SGCD: variants seen among roughly 807,000 people sequenced by gnomAD.
The protein encoded by SGCD is delta-sarcoglycan.
In SGCD, 18 loss-of-function variants were observed where a neutral mutation model predicts 36.6. The observed-to-expected ratio is 0.49, with a 90% CI of 0.34 to 0.73. The LOEUF (loss-of-function observed/expected upper bound fraction) is 0.73. Among genes scored for constraint, SGCD ranks in the 30% least tolerant of loss-of-function variants. The pLI is 0.01. For missense variants in SGCD, 387 were observed against 346.7 expected (o/e 1.12, Z -0.92); for synonymous variants, 133 against 130.6 (o/e 1.02, Z -0.12).
At chr5:156,437,504 G>T (rs993450819) in intron 3 of SGCD, among the ~76,000 whole-genome samples, 1 of 152,122 alleles carries the variant, frequency 6.6e-6, no homozygotes, top group Non-Finnish European at 1.5e-5. Flanking sequence ...ATGGCACAAA[G>T]GATGCTAAGG....
the SGCD span, among the ~76,000 whole-genome samples, chr5:155,747,662 CA>C: frequency 2.0e-5 from 3 of 152,188 alleles, no homozygotes; most frequent in African/African-American, 7.2e-5. Context: ...AGTCTTCTTT[CA>C]ACATAAGGTA....
At chr5:155,826,526 C>T in the SGCD span, among the ~76,000 whole-genome samples, 1 of 152,194 alleles carries the variant, frequency 6.6e-6, no homozygotes, top group Non-Finnish European at 1.5e-5. Flanking sequence ...TTTCTGATGT[C>T]AGCCAGACTT....
chr5:156,252,547 T>G (rs1479971381), intron 3 of SGCD, among the ~76,000 whole-genome samples: 1 of 152,214 alleles, frequency 6.6e-6, no homozygotes, highest in Non-Finnish European at 1.5e-5. Flanking sequence ...ATTATATATG[T>G]TGGCAAATGG....
the SGCD span, among the ~76,000 whole-genome samples, chr5:155,826,446 C>G: frequency 1.3e-5 from 2 of 152,140 alleles, no homozygotes; most frequent in South Asian, 4.1e-4. Context: ...GGAGTCTGAC[C>G]CTTCTGTCTA....
At chr5:155,801,169 C>T in the SGCD span, among the ~76,000 whole-genome samples, 1 of 152,210 alleles carries the variant, frequency 6.6e-6, no homozygotes, top group East Asian at 1.9e-4. Flanking sequence ...CTCACTAGGA[C>T]TCAAGTTTGG....
chr5:156,156,164 A>T (rs1400639994), intron 3 of SGCD, among the ~76,000 whole-genome samples: 2 of 151,644 alleles, frequency 1.3e-5, no homozygotes, highest in Non-Finnish European at 2.9e-5. Flanking sequence ...GGTCTTAAAG[A>T]TGTTGTAATG....
chr5:155,991,951 T>C (rs1758440329), intron 1 of SGCD, among the ~76,000 whole-genome samples: 1 of 152,230 alleles, frequency 6.6e-6, no homozygotes, highest in African/African-American at 2.4e-5. Context: ...CTCTTACTTA[T>C]TTTTCTGCCT....
chr5:155,803,001 A>G, the SGCD span, among the ~76,000 whole-genome samples: 1 of 152,224 alleles, frequency 6.6e-6, no homozygotes, highest in Non-Finnish European at 1.5e-5. Flanking sequence ...TCCTAGAAAG[A>G]AGACATGACA....
At chr5:155,938,996 T>C (rs538758504) in intron 1 of SGCD, among the ~76,000 whole-genome samples, 4 of 152,324 alleles carry the variant, frequency 2.6e-5, no homozygotes, top group African/African-American at 7.2e-5. Context: ...AGCCAACCAT[T>C]GTCAACATGC....
At chr5:156,350,261 A>ATATATG (rs1205556287) in intron 3 of SGCD, among the ~76,000 whole-genome samples, 1 of 144,400 alleles carries the variant, frequency 6.9e-6, no homozygotes, top group East Asian at 2.2e-4. Context: ...ATATATATAT[A>ATATATG]TATGTACACA....
At chr5:156,358,343 G>A (rs1201172999) in intron 3 of SGCD, among the ~76,000 whole-genome samples, 1 of 152,192 alleles carries the variant, frequency 6.6e-6, no homozygotes, top group African/African-American at 2.4e-5. Context: ...GGAGACAGCA[G>A]AAATAATTTG....
At chr5:156,276,132 A>G (rs10068407) in intron 3 of SGCD, among the ~76,000 whole-genome samples, 7,879 of 152,144 alleles carry the variant, frequency 0.052, 624 homozygotes, top group African/African-American at 0.17. Flanking sequence ...ACTCCACTCT[A>G]CAGTCTTCTA....
At chr5:156,722,191 T>C (rs1755543027) in intron 7 of SGCD, among the ~76,000 whole-genome samples, 1 of 152,184 alleles carries the variant, frequency 6.6e-6, no homozygotes, top group South Asian at 2.1e-4. Flanking sequence ...TGCCTCCCCC[T>C]TGTCTCTTTT....
chr5:156,327,561 G>A (rs1767867434), intron 1 of SGCD, among the ~76,000 whole-genome samples: 1 of 152,224 alleles, frequency 6.6e-6, no homozygotes, highest in African/African-American at 2.4e-5. Context: ...GCGTGGAAGG[G>A]CCGTTCACTG....
chr5:156,225,667 G>C (rs890816453), intron 3 of SGCD, among the ~76,000 whole-genome samples: 2 of 152,048 alleles, frequency 1.3e-5, no homozygotes, highest in Non-Finnish European at 2.9e-5. Context: ...AGTACGATTT[G>C]ATTATTGTCT....
chr5:156,624,364 G>A (rs1331868361), intron 6 of SGCD, among the ~76,000 whole-genome samples: 2 of 152,120 alleles, frequency 1.3e-5, no homozygotes, highest in Admixed American at 6.6e-5. Flanking sequence ...GGTGGATCAC[G>A]AGGTCAGGAG....
rs139961693 is a variant in SGCD at position 156,464,456 on chromosome 5, G to A, written c.193-44145G>A. On this transcript the variant is annotated intron_variant, in intron 3 of 8. Transcript: ENST00000337851. ...AGGCTGGTCTTGAACTCTGGACCTC[G>A]TGATCCACCTGCTTTGGCCTCCCAA... 5.8e-3 allele frequency among the ~76,000 whole-genome samples: 887 copies of A among 152,138 alleles called. 12 individuals carry two copies. Among genetic ancestry groups the A allele is most frequent in the African/African-American group, 0.019 (778 of 41,526 alleles).
intron 1 of SGCD, among the ~76,000 whole-genome samples, chr5:156,100,400 G>A (rs905643277): frequency 6.6e-6 from 1 of 152,154 alleles, no homozygotes; most frequent in Non-Finnish European, 1.5e-5. Flanking sequence ...GACATGAGAT[G>A]AGGAATATGT....
At chr5:156,239,918 T>A (rs1765267915) in intron 3 of SGCD, among the ~76,000 whole-genome samples, 1 of 152,204 alleles carries the variant, frequency 6.6e-6, no homozygotes, top group African/African-American at 2.4e-5. Flanking sequence ...ATGGTTTTGT[T>A]TGGCAGTTTG....
Sources: gnomAD v4.1 joint callset for allele counts (sites outside exome capture counted in the v4.1 genomes callset) on GRCh38, gnomAD v4.1.1 for gene constraint, MANE v1.5 for transcripts, NCBI Gene and HGNC (gene_info 2026-07-23, HGNC 2026-07-21) for gene names.